CLSTN1: variants seen among roughly 807,000 people sequenced by gnomAD.
CLSTN1 encodes calsyntenin 1.
Under a neutral mutation model 108.3 loss-of-function variants are expected in CLSTN1, and 28 were observed. The observed-to-expected ratio is 0.26, with a 90% confidence interval of 0.19 to 0.35. The LOEUF (loss-of-function observed/expected upper bound fraction) is 0.35. CLSTN1 is among the 10% of genes least tolerant of loss of function. The probability of loss-of-function intolerance (pLI) is 1.00; values close to 1 mark genes in which losing one functional copy is unlikely to be tolerated. For synonymous variants in CLSTN1, 524 were observed against 534.9 expected (o/e 0.98, Z 0.28); for missense variants, 1,157 against 1,302.6 (o/e 0.89, Z 1.72).
intron 2 of CLSTN1, among the ~76,000 whole-genome samples, chr1:9,764,245 C>T (rs992179529): frequency 5.9e-5 from 9 of 151,880 alleles, no homozygotes; most frequent in African/African-American, 1.5e-4. Context: ...CACCCCACCA[C>T]CTCACCCCCA....
chr1:9,805,815 C>T (rs1570516086), intron 1 of CLSTN1, among the ~76,000 whole-genome samples: 1 of 132,054 alleles, frequency 7.6e-6, no homozygotes, highest in South Asian at 2.4e-4. Flanking sequence ...TGCAGTGAGC[C>T]AAGATTGTGC....
chr1:9,751,751 A>G (rs1651572004), intron 4 of CLSTN1, 70 bp from the exon 5 acceptor site: 1 of 1,380,514 alleles, frequency 7.2e-7, no homozygotes, highest in Admixed American at 1.8e-5. Context: ...GAGAGTGTGT[A>G]TGTGTGTTTA....
At chr1:9,793,538 A>T (rs1358381290) in intron 1 of CLSTN1, among the ~76,000 whole-genome samples, 1 of 151,520 alleles carries the variant, frequency 6.6e-6, no homozygotes, top group East Asian at 2.0e-4. Flanking sequence ...TCCCCAACAG[A>T]GAACAATGGC....
intron 5 of CLSTN1, among the ~76,000 whole-genome samples, chr1:9,751,016 G>A (rs192542081): frequency 6.6e-6 from 1 of 152,110 alleles, no homozygotes; most frequent in African/African-American, 2.4e-5. Flanking sequence ...AGTGAGCTGA[G>A]ATCGCACCAC....
Position 9,730,287 on chromosome 1 carries a change from G to A in CLSTN1, c.*221C>T. 1.7e-6 allele frequency: 1 copy of A among 593,012 alleles called. No individual in the cohort carries two copies. 36.7% of individuals were successfully genotyped at this position (593,012 alleles called of 1,614,324 possible). A position where few individuals can be genotyped will look rare whatever the true frequency, so the allele number is the denominator to read the frequency against. On this transcript the variant is annotated 3_prime_UTR_variant, in exon 19 of 19. Transcript: ENST00000377298. This position sits in a 1 kb window ranked among gnomAD's most constrained non-coding sequence, Gnocchi z 5.6. Reference sequence around the variant, plus strand: ...CTGTGCGAGCCGGATGGCGGCCAGAGAGGACGTGTCAGCTCCTCGTGGGAC... The same window carrying A: ...CTGTGCGAGCCGGATGGCGGCCAGAAAGGACGTGTCAGCTCCTCGTGGGAC...
At chr1:9,782,592 C>G (rs1476850584) in intron 1 of CLSTN1, among the ~76,000 whole-genome samples, 1 of 152,094 alleles carries the variant, frequency 6.6e-6, no homozygotes, top group Non-Finnish European at 1.5e-5. Flanking sequence ...TGGTAGATTT[C>G]AGTCATTAGA....
intron 1 of CLSTN1, among the ~76,000 whole-genome samples, chr1:9,794,422 C>T (rs1375468267): frequency 6.6e-6 from 1 of 151,462 alleles, no homozygotes; most frequent in Non-Finnish European, 1.5e-5. Context: ...AGTTCTCCTG[C>T]CTCAACCTCC....
Position 9,783,791 on chromosome 1 carries a change from G to A in CLSTN1, c.92-10397C>T, listed in dbSNP as rs893008807. On this transcript the variant is annotated intron_variant, in intron 1 of 18. Transcript: ENST00000377298. ...GCAGATGGCCTGAGGTCAGGAGTTCGAGACCAGCCTGGCAAACATGGTGAA... is the reference window on the plus strand; with the variant it reads ...GCAGATGGCCTGAGGTCAGGAGTTCAAGACCAGCCTGGCAAACATGGTGAA... Among the ~76,000 whole-genome samples, 5 of 152,136 alleles carry A rather than the reference G, an allele frequency of 3.3e-5. No homozygotes were observed. The East Asian group carries it at 5.8e-4, about 18-fold the overall frequency.
intron 3 of CLSTN1, among the ~76,000 whole-genome samples, chr1:9,756,013 T>C (rs572138950): frequency 1.3e-5 from 2 of 152,256 alleles, no homozygotes; most frequent in Non-Finnish European, 2.9e-5. Context: ...CTATCAAACC[T>C]GAAAAAGACA....
intron 17 of CLSTN1, among the ~76,000 whole-genome samples, 174 bp downstream of exon 17, chr1:9,731,587 G>A (rs961328010): frequency 3.9e-5 from 6 of 152,352 alleles, no homozygotes; most frequent in Admixed American, 1.3e-4. Flanking sequence ...CCATGGCTGC[G>A]GGTGACATCA....
At chr1:9,774,969 C>T (rs907368651) in intron 1 of CLSTN1, among the ~76,000 whole-genome samples, 9 of 152,150 alleles carry the variant, frequency 5.9e-5, no homozygotes, top group Admixed American at 3.9e-4. Context: ...AACTTCCTCA[C>T]GTTGCCATGG....
chr1:9,810,032 C>CT (rs1170535325), intron 1 of CLSTN1, among the ~76,000 whole-genome samples: 4 of 112,462 alleles, frequency 3.6e-5, no homozygotes, highest in African/African-American at 1.4e-4. Flanking sequence ...GAGGGAGACT[C>CT]TGAGAAAGAG....
At chr1:9,769,141 G>A (rs1652540388) in intron 2 of CLSTN1, among the ~76,000 whole-genome samples, 2 of 147,468 alleles carry the variant, frequency 1.4e-5, no homozygotes. Context: ...GAGAGGGAGA[G>A]AGGGAGGGAG....
chr1:9,741,834 C>T (rs890939510), intron 9 of CLSTN1, among the ~76,000 whole-genome samples: 2 of 152,302 alleles, frequency 1.3e-5, no homozygotes, highest in South Asian at 2.1e-4. Flanking sequence ...ATTGCTTGAA[C>T]CCGGGAGGCA....
At chr1:9,750,957 C>T (rs1336908880) in intron 5 of CLSTN1, among the ~76,000 whole-genome samples, 1 of 151,574 alleles carries the variant, frequency 6.6e-6, no homozygotes, top group Non-Finnish European at 1.5e-5. Context: ...CCCAGCTACT[C>T]GAGAGGCTAA....
chr1:9,745,765 G>GTTTTTTTTTT (rs778360021), intron 7 of CLSTN1, among the ~76,000 whole-genome samples: 1 of 100,910 alleles, frequency 9.9e-6, no homozygotes, highest in Non-Finnish European at 1.9e-5. Flanking sequence ...CTGAATAGTT[G>GTTTTTTTTTT]TTTTTTTTTT....
At chr1:9,781,666 C>G (rs1374004409) in intron 1 of CLSTN1, among the ~76,000 whole-genome samples, 2 of 152,106 alleles carry the variant, frequency 1.3e-5, no homozygotes, top group Non-Finnish European at 2.9e-5. Flanking sequence ...TGGTCTTGAA[C>G]TCCCGGCCTC....
intron 1 of CLSTN1, among the ~76,000 whole-genome samples, chr1:9,800,557 G>GAAAAAAAAAAAAAAAAA: frequency 1.3e-5 from 1 of 77,338 alleles, no homozygotes; most frequent in Non-Finnish European, 2.5e-5. Flanking sequence ...GTCTCCACTA[G>GAAAAAAAAAAAAAAAAA]AAAAAAAAAA....
chr1:9,780,348 CTTTA>C (rs1484237047), intron 1 of CLSTN1, among the ~76,000 whole-genome samples: 3 of 152,062 alleles, frequency 2.0e-5, no homozygotes, highest in Admixed American at 6.6e-5. Flanking sequence ...GAATTTATGT[CTTTA>C]TTTAGCCCAA....
Sources: gnomAD v4.1 joint callset for allele counts (sites outside exome capture counted in the v4.1 genomes callset) on GRCh38, gnomAD v4.1.1 for gene constraint, Gnocchi (gnomAD v3.1) non-coding constraint, MANE v1.5 for transcripts, NCBI Gene and HGNC (gene_info 2026-07-23, HGNC 2026-07-21) for gene names.